Variants in MGMT observed in about 807,000 individuals in gnomAD.
The protein encoded by MGMT is O-6-methylguanine-DNA methyltransferase.
Under a neutral mutation model 15.9 loss-of-function variants are expected in MGMT, and 14 were observed. The observed-to-expected ratio is 0.88, with a 90% CI of 0.58 to 1.37. The LOEUF is 1.37. Ranked by LOEUF, MGMT falls within the 40% of genes most tolerant of loss-of-function variation. The pLI, the probability that MGMT is intolerant of heterozygous loss-of-function variation, is 0.00. For synonymous variants in MGMT, 130 were observed against 118.2 expected (o/e 1.10, Z -0.65); for missense variants, 282 against 268.1 (o/e 1.05, Z -0.36).
chr10:129,755,815 G>A (rs925968377), intron 3 of MGMT, among the ~76,000 whole-genome samples: 4 of 152,238 alleles, frequency 2.6e-5, no homozygotes, highest in Non-Finnish European at 5.9e-5. Context: ...GATTATCACC[G>A]AGGAGAGATG....
At position 129,532,529 on chromosome 10, in the gene MGMT, G is replaced by A. The variant is rs998170059; in HGVS notation, c.-12-3712G>A. 6.6e-6 allele frequency among the ~76,000 whole-genome samples: 1 copy of A among 152,066 alleles called. No individual in the cohort carries two copies. Among genetic ancestry groups the A allele is most frequent in the Non-Finnish European group, 1.5e-5 (1 of 68,024 alleles). On this transcript the variant is annotated intron_variant, in intron 1 of 4. Coordinates refer to ENST00000651593, the MANE Select transcript of MGMT (RefSeq NM_002412.5). The surrounding 1 kb of genome is among the most constrained non-coding windows in gnomAD (Gnocchi z 5.3). ...GCCCTGCTCCTTCCTCCGGGTGGGG[G>A]ACACCCCATCCCCCATGCCCCTACT...
At chr10:129,662,103 G>A (rs1847604423) in intron 2 of MGMT, among the ~76,000 whole-genome samples, 1 of 152,046 alleles carries the variant, frequency 6.6e-6, no homozygotes, top group Non-Finnish European at 1.5e-5. Flanking sequence ...ATTCTTGTTT[G>A]TAAATAAGAA....
chr10:129,634,076 T>A (rs753546193), intron 2 of MGMT, among the ~76,000 whole-genome samples: 2 of 152,224 alleles, frequency 1.3e-5, no homozygotes, highest in Non-Finnish European at 2.9e-5. Flanking sequence ...CCAAAATGTC[T>A]TTATTGCTTC....
intron 2 of MGMT, among the ~76,000 whole-genome samples, chr10:129,620,670 A>C (rs1006172051): frequency 6.6e-6 from 1 of 152,058 alleles, no homozygotes. Context: ...TGCATGTGTT[A>C]TACTCTTTTC....
intron 3 of MGMT, among the ~76,000 whole-genome samples, chr10:129,755,516 G>A (rs919477654): frequency 2.0e-5 from 3 of 152,236 alleles, no homozygotes; most frequent in African/African-American, 7.2e-5. Context: ...CCTGGCTAAG[G>A]AAAAGTCCCA....
chr10:129,529,535 A>G (rs1001183521), intron 1 of MGMT, among the ~76,000 whole-genome samples: 7 of 152,164 alleles, frequency 4.6e-5, no homozygotes, highest in African/African-American at 7.2e-5. Flanking sequence ...CCCGTTTCCT[A>G]ACAGGCCACG....
chr10:129,722,229 A>C (rs1354559196), intron 3 of MGMT, among the ~76,000 whole-genome samples: 1 of 152,192 alleles, frequency 6.6e-6, no homozygotes, highest in Admixed American at 6.5e-5. Flanking sequence ...TTAACATAAA[A>C]TGTATTCTAT....
chr10:129,635,153 G>A (rs952479315), intron 2 of MGMT, among the ~76,000 whole-genome samples: 2 of 152,182 alleles, frequency 1.3e-5, no homozygotes, highest in Non-Finnish European at 2.9e-5. Flanking sequence ...CAAGAGCAGC[G>A]GTTACCACCC....
chr10:129,636,813 A>G (rs1017307188), intron 2 of MGMT, among the ~76,000 whole-genome samples: 1 of 152,230 alleles, frequency 6.6e-6, no homozygotes, highest in African/African-American at 2.4e-5. Context: ...TTTTGAGTCA[A>G]TCAGAATTAT....
intron 2 of MGMT, among the ~76,000 whole-genome samples, chr10:129,629,536 G>A (rs1847187672): frequency 6.6e-6 from 1 of 152,192 alleles, no homozygotes; most frequent in African/African-American, 2.4e-5. Flanking sequence ...TTGGAAGGAT[G>A]GAACAGTTAA....
intron 2 of MGMT, among the ~76,000 whole-genome samples, chr10:129,608,959 G>T (rs995992219): frequency 6.6e-6 from 1 of 152,242 alleles, no homozygotes; most frequent in Non-Finnish European, 1.5e-5. Context: ...GCATGCTTAC[G>T]CAGTACACTG....
chr10:129,483,676 C>T (rs1429163466), intron 1 of MGMT, among the ~76,000 whole-genome samples: 2 of 152,038 alleles, frequency 1.3e-5, no homozygotes, highest in Non-Finnish European at 2.9e-5. Flanking sequence ...CCACCTCTGG[C>T]CACTAAGGTT....
At chr10:129,716,776 G>T (rs1011189443) in intron 3 of MGMT, among the ~76,000 whole-genome samples, 1 of 152,164 alleles carries the variant, frequency 6.6e-6, no homozygotes, top group African/African-American at 2.4e-5. Context: ...TATGACAAAT[G>T]TAAAACAGCA....
At chr10:129,482,010 CCTTT>C (rs1327000236) in intron 1 of MGMT, among the ~76,000 whole-genome samples, 2 of 151,986 alleles carry the variant, frequency 1.3e-5, no homozygotes, top group African/African-American at 4.8e-5. Flanking sequence ...ATTTGGTTTT[CCTTT>C]CTTCTTTTCT....
intron 3 of MGMT, among the ~76,000 whole-genome samples, chr10:129,758,518 G>C (rs1473260600): frequency 6.6e-6 from 1 of 152,126 alleles, no homozygotes; most frequent in Admixed American, 6.5e-5. Context: ...CAGAGGGAGA[G>C]AATGTTCTCC....
At chr10:129,664,664 G>A (rs985271718) in intron 2 of MGMT, among the ~76,000 whole-genome samples, 1 of 152,098 alleles carries the variant, frequency 6.6e-6, no homozygotes, top group Non-Finnish European at 1.5e-5. Context: ...TTCCAGGATG[G>A]GGGCAGCAAA....
chr10:129,571,633 G>C (rs1027391004), intron 2 of MGMT, among the ~76,000 whole-genome samples: 9 of 152,090 alleles, frequency 5.9e-5, no homozygotes, highest in Non-Finnish European at 8.8e-5. Flanking sequence ...CCAATGTTTC[G>C]ATCAATTTGT....
At chr10:129,518,337 T>TACAC (rs61316662) in intron 1 of MGMT, among the ~76,000 whole-genome samples, 2,276 of 119,562 alleles carry the variant, frequency 0.019, 60 homozygotes, top group African/African-American at 0.052. Flanking sequence ...TACACACACA[T>TACAC]ACACACACAC....
chr10:129,502,351 G>C (rs11016815), intron 1 of MGMT, among the ~76,000 whole-genome samples: 13,923 of 152,164 alleles, frequency 0.091, 793 homozygotes, highest in East Asian at 0.29. Flanking sequence ...CGCATGTAAA[G>C]CACCTGGCCC....
Sources: allele counts gnomAD v4.1 joint callset (sites outside exome capture counted in the v4.1 genomes callset), GRCh38; gene constraint gnomAD v4.1.1; non-coding constraint Gnocchi (gnomAD v3.1); transcripts MANE v1.5; gene names NCBI Gene and HGNC (gene_info 2026-07-23, HGNC 2026-07-21).